NXPH2: variants seen among roughly 807,000 people sequenced by gnomAD.
NXPH2 encodes the protein neurexophilin-2.
In NXPH2, 5 loss-of-function variants were observed where a neutral mutation model predicts 19.8. The ratio of observed to expected loss-of-function variants is 0.25; its 90% CI spans 0.13 to 0.53. The LOEUF (loss-of-function observed/expected upper bound fraction) is 0.53. NXPH2 is among the 20% of genes least tolerant of loss of function. The pLI is 0.96. For missense variants in NXPH2, 289 were observed against 322.8 expected (o/e 0.90, Z 0.80); for synonymous variants, 154 against 127.4 (o/e 1.21, Z -1.41).
chr2:138,740,538 T>C (rs1433065674), intron 1 of NXPH2, among the ~76,000 whole-genome samples: 1 of 152,202 alleles, frequency 6.6e-6, no homozygotes, highest in Non-Finnish European at 1.5e-5. Flanking sequence ...ATTAAGTTAC[T>C]AAGCCAATCA....
chr2:138,747,613 T>G (rs1307582430), intron 1 of NXPH2, among the ~76,000 whole-genome samples: 1 of 152,050 alleles, frequency 6.6e-6, no homozygotes, highest in Non-Finnish European at 1.5e-5. Context: ...GAAGAGTGGG[T>G]GTCAAAAAGG....
chr2:138,765,205 T>C (rs879592648), intron 1 of NXPH2, among the ~76,000 whole-genome samples: 10 of 152,210 alleles, frequency 6.6e-5, no homozygotes, highest in Non-Finnish European at 1.3e-4. Context: ...TGTGCTGGCC[T>C]GTGCAGGGTG....
At chr2:138,729,937 A>T (rs564951936) in intron 1 of NXPH2, among the ~76,000 whole-genome samples, 1 of 152,308 alleles carries the variant, frequency 6.6e-6, no homozygotes, top group African/African-American at 2.4e-5. Flanking sequence ...GGAGGCTTAA[A>T]CAACAGACAT....
Position 138,780,211 on chromosome 2 carries a change from C to G in NXPH2, c.31G>C (p.Val11Leu). 6.7e-7 allele frequency: 1 copy of G among 1,482,094 alleles called. No individual in the cohort carries two copies. The highest frequency in any genetic ancestry group is 8.9e-7 in the Non-Finnish European group (1 of 1,124,652). The allele number at this position is 1,482,094 out of a possible 1,614,324, so 91.8% of individuals were successfully genotyped here. Reference sequence around the variant, plus strand: ...CTCACCAGCTGCAGCAAGCCAGGGACCACCACGAGGGGCAGCGGCCGCAGG... The same window carrying G: ...CTCACCAGCTGCAGCAAGCCAGGGAGCACCACGAGGGGCAGCGGCCGCAGG... Reference protein sequence around the residue: MRLRPLPLVVVPGLLQLLFCD... With the variant: MRLRPLPLVVLPGLLQLLFCD... Residue 11 changes from valine (V) to leucine (L), a missense_variant, in exon 1 of 2, where the codon GTC (valine) becomes CTC (leucine). By Grantham distance (32) the Val-to-Leu change is conservative (BLOSUM62 1). Transcript: ENST00000272641.
intron 1 of NXPH2, among the ~76,000 whole-genome samples, chr2:138,689,398 A>G (rs774853859): frequency 2.0e-5 from 3 of 152,174 alleles, no homozygotes; most frequent in Non-Finnish European, 4.4e-5. Context: ...TGGAAAATAA[A>G]GACTGTGACT....
At chr2:138,697,190 A>G (rs1412211990) in intron 1 of NXPH2, among the ~76,000 whole-genome samples, 3 of 152,116 alleles carry the variant, frequency 2.0e-5, no homozygotes, top group African/African-American at 7.2e-5. Flanking sequence ...TTGACTGCAA[A>G]GGGACTTAAG....
chr2:138,741,849 C>T (rs1484254635), intron 1 of NXPH2, among the ~76,000 whole-genome samples: 2 of 152,124 alleles, frequency 1.3e-5, no homozygotes, highest in African/African-American at 2.4e-5. Context: ...AGTAGAGGAT[C>T]CCCAAAGCAG....
intron 1 of NXPH2, among the ~76,000 whole-genome samples, chr2:138,756,795 A>G (rs1009180928): frequency 3.9e-5 from 6 of 152,316 alleles, no homozygotes; most frequent in South Asian, 4.1e-4. Context: ...AATCAAAGCC[A>G]CTAGTTAGGC....
chr2:138,741,209 T>C (rs1228138352), intron 1 of NXPH2, among the ~76,000 whole-genome samples: 1 of 152,168 alleles, frequency 6.6e-6, no homozygotes, highest in Non-Finnish European at 1.5e-5. Context: ...TTGTTGAGGA[T>C]GGGACCAGGG....
intron 1 of NXPH2, among the ~76,000 whole-genome samples, chr2:138,674,615 A>G (rs985563770): frequency 1.3e-5 from 2 of 152,152 alleles, no homozygotes; most frequent in Non-Finnish European, 2.9e-5. Flanking sequence ...GATGTGTGCA[A>G]ACTTCATTCC....
intron 1 of NXPH2, among the ~76,000 whole-genome samples, chr2:138,777,831 T>TAA (rs11299940): frequency 0.055 from 5,121 of 92,816 alleles, 178 homozygotes; most frequent in African/African-American, 0.072. Context: ...ACCAAAAAAT[T>TAA]AAAAAAAAAA....
intron 1 of NXPH2, among the ~76,000 whole-genome samples, chr2:138,762,507 T>A (rs1558931833): frequency 6.6e-6 from 1 of 152,172 alleles, no homozygotes; most frequent in Non-Finnish European, 1.5e-5. Context: ...AATAAAATAT[T>A]ATGGAAGGAA....
At chr2:138,684,730 G>A (rs375073039) in intron 1 of NXPH2, among the ~76,000 whole-genome samples, 8 of 152,290 alleles carry the variant, frequency 5.3e-5, no homozygotes, top group African/African-American at 1.9e-4. Context: ...GCAGGAGCAA[G>A]CTCATTGTCC....
At chr2:138,775,854 A>G (rs1330966693) in intron 1 of NXPH2, among the ~76,000 whole-genome samples, 2 of 152,166 alleles carry the variant, frequency 1.3e-5, no homozygotes, top group African/African-American at 4.8e-5. Context: ...CAAGATATTA[A>G]ATGCCAGCTT....
intron 1 of NXPH2, among the ~76,000 whole-genome samples, chr2:138,747,165 T>G (rs965952169): frequency 6.6e-6 from 1 of 152,202 alleles, no homozygotes; most frequent in African/African-American, 2.4e-5. Flanking sequence ...TGATGAATAT[T>G]CATGCACGTT....
chr2:138,715,258 C>T (rs2104990282), intron 1 of NXPH2, among the ~76,000 whole-genome samples: 1 of 152,194 alleles, frequency 6.6e-6, no homozygotes, highest in Non-Finnish European at 1.5e-5. Flanking sequence ...TCACTATCAA[C>T]TCAATATTTA....
intron 1 of NXPH2, among the ~76,000 whole-genome samples, chr2:138,678,086 T>C (rs1388087604): frequency 1.3e-5 from 2 of 152,242 alleles, no homozygotes; most frequent in African/African-American, 4.8e-5. Flanking sequence ...TCACCAATCC[T>C]TAGGTTACAA....
chr2:138,749,420 T>C (rs1681792663), intron 1 of NXPH2, among the ~76,000 whole-genome samples: 1 of 152,210 alleles, frequency 6.6e-6, no homozygotes, highest in Admixed American at 6.6e-5. Flanking sequence ...ATTAATGATA[T>C]ACCTTTATGT....
chr2:138,674,006 A>G (rs1034967276), intron 1 of NXPH2, among the ~76,000 whole-genome samples: 2 of 152,038 alleles, frequency 1.3e-5, no homozygotes, highest in Non-Finnish European at 2.9e-5. Context: ...ATTTTTAGAG[A>G]CAGGATATCA....
Sources: allele counts gnomAD v4.1 joint callset (sites outside exome capture counted in the v4.1 genomes callset), GRCh38; gene constraint gnomAD v4.1.1; transcripts MANE v1.5; gene names NCBI Gene and HGNC (gene_info 2026-07-23, HGNC 2026-07-21).